The following CARS2 variants were observed in gnomAD, a reference collection of about 807,000 sequenced individuals.
The protein encoded by CARS2 is cysteinyl-tRNA synthetase 2, mitochondrial, also known as probable cysteine--tRNA ligase, mitochondrial.
Under a neutral mutation model 68.8 loss-of-function variants are expected in CARS2, and 52 were observed. The observed-to-expected ratio is 0.76, with a 90% CI of 0.61 to 0.95. CARS2 has a LOEUF of 0.95. Ranked by LOEUF, CARS2 falls within the 40% of genes least tolerant of loss-of-function variation. CARS2 has a pLI of 0.00. For missense variants in CARS2, 780 were observed against 754.2 expected, an observed-to-expected ratio of 1.03 and a Z score of -0.40; for synonymous variants, 314 against 303.6, an observed-to-expected ratio of 1.03 and a Z score of -0.36.
At position 110,705,698 on chromosome 13, in the gene CARS2, T is replaced by C. The variant is rs763636326; in HGVS notation, c.225-127A>G. On this transcript the variant is annotated intron_variant, in intron 1 of 14. Coordinates refer to ENST00000257347, the MANE Select transcript of CARS2 (RefSeq NM_024537.4). The surrounding 1 kb of genome is among the most constrained non-coding windows in gnomAD (Gnocchi z 4.0). ...GGGGGATGAATAGCCGGGGTTTTCA[T>C]ACTTGCTCAATTCACACCCAAACCT... is the stretch of plus-strand genomic sequence containing the variant. The C allele has an allele frequency of 1.3e-5, 19 of 1,509,592 alleles. No individual in the cohort carries two copies. Among genetic ancestry groups the C allele is most frequent in the Non-Finnish European group, 1.6e-5 (18 of 1,111,718 alleles). 93.5% of individuals were successfully genotyped at this position (1,509,592 alleles called of 1,614,324 possible).
chr13:110,713,122 G>C (rs1345567712), intron 1 of CARS2: 6 of 1,429,998 alleles, frequency 4.2e-6, no homozygotes, highest in Non-Finnish European at 5.5e-6. Context: ...TAAGAGTCCG[G>C]GGGGCATTAC....
chr13:110,664,017 A>G, intron 8 of CARS2: 1 of 985,366 alleles, frequency 1.0e-6, no homozygotes, highest in Non-Finnish European at 1.2e-6. Context: ...GGTTTCACAG[A>G]CTTTGATGAC....
chr13:110,654,516 C>T (rs1386895034), intron 9 of CARS2, among the ~76,000 whole-genome samples: 1 of 151,528 alleles, frequency 6.6e-6, no homozygotes, highest in Non-Finnish European at 1.5e-5. Context: ...GTGCGAGCTA[C>T]CAAAAATATA....
rs547067643 is a variant in CARS2, at chr13:110,670,625, G to A, written c.786-3152C>T. On this transcript the variant is annotated intron_variant, in intron 7 of 14. Transcript: ENST00000257347. The surrounding 1 kb of genome is among the most constrained non-coding windows in gnomAD (Gnocchi z 4.1). ...GGGGAGAAACCAGAGCAGAAAAGCT[G>A]AAAATTCTAAAAATCAGAGCGCCTC... Among the ~76,000 whole-genome samples, 2 of 152,258 alleles carry A rather than the reference G, an allele frequency of 1.3e-5. No individual in the cohort carries two copies. Among genetic ancestry groups the A allele is most frequent in the South Asian group, 2.1e-4 (1 of 4,818 alleles).
chr13:110,663,042 G>A, intron 9 of CARS2: 1 of 461,482 alleles, frequency 2.2e-6, no homozygotes, highest in South Asian at 1.5e-5. Context: ...GATCCAGCCA[G>A]CTCTGAGCCT....
intron 3 of CARS2, among the ~76,000 whole-genome samples, chr13:110,692,907 C>G (rs182677259): frequency 1.3e-5 from 2 of 151,724 alleles, no homozygotes; most frequent in African/African-American, 2.4e-5. Flanking sequence ...GTCAGGAGTT[C>G]GAGACCAGTC....
intron 3 of CARS2, among the ~76,000 whole-genome samples, chr13:110,697,317 G>A (rs1244291608): frequency 6.6e-6 from 1 of 152,250 alleles, no homozygotes; most frequent in South Asian, 2.1e-4. Flanking sequence ...GGGTAAGGAT[G>A]TGAAGAAATA....
At chr13:110,660,501 T>C (rs905660077) in intron 9 of CARS2, among the ~76,000 whole-genome samples, 1 of 152,208 alleles carries the variant, frequency 6.6e-6, no homozygotes, top group African/African-American at 2.4e-5. Flanking sequence ...GACTTAAAAG[T>C]TGAAATTATT....
intron 3 of CARS2, among the ~76,000 whole-genome samples, chr13:110,695,318 A>T (rs1017879943): frequency 1.3e-4 from 20 of 152,168 alleles, no homozygotes; most frequent in Admixed American, 2.6e-4. Context: ...ACAAATTTTT[A>T]AAAAATATAG....
chr13:110,708,586 T>TTTG (rs58230578), upstream of CARS2, among the ~76,000 whole-genome samples: 1 of 152,002 alleles, frequency 6.6e-6, no homozygotes, highest in Non-Finnish European at 1.5e-5. Flanking sequence ...TTTTTTTTTT[T>TTTG]GAGGCAGTCT....
At chr13:110,689,304 A>G (rs2063390436) in intron 3 of CARS2, among the ~76,000 whole-genome samples, 1 of 152,208 alleles carries the variant, frequency 6.6e-6, no homozygotes, top group African/African-American at 2.4e-5. Context: ...AGTCTCTCCG[A>G]GCTGCTCCAC....
intron 3 of CARS2, among the ~76,000 whole-genome samples, chr13:110,690,589 T>C (rs2063430127): frequency 6.6e-6 from 1 of 152,200 alleles, no homozygotes; most frequent in Non-Finnish European, 1.5e-5. Context: ...CGCTACGTGC[T>C]TACCCGGTCC....
chr13:110,662,630 C>A (rs1278096906), intron 9 of CARS2, among the ~76,000 whole-genome samples: 3 of 152,236 alleles, frequency 2.0e-5, no homozygotes, highest in African/African-American at 7.2e-5. Context: ...GCAAATACAG[C>A]AAAATCATCA....
chr13:110,695,674 T>C (rs1292747288), intron 3 of CARS2, among the ~76,000 whole-genome samples: 2 of 152,016 alleles, frequency 1.3e-5, no homozygotes, highest in African/African-American at 4.8e-5. Flanking sequence ...CATTTAAAAA[T>C]GTTTAAAATC....
intron 14 of CARS2, among the ~76,000 whole-genome samples, chr13:110,642,070 G>A (rs1427579430): frequency 6.6e-6 from 1 of 152,052 alleles, no homozygotes; most frequent in Non-Finnish European, 1.5e-5. Flanking sequence ...GCATGGGAGT[G>A]CATGCCTGTA....
chr13:110,652,499 C>T (rs972385806), intron 9 of CARS2, among the ~76,000 whole-genome samples: 8 of 152,104 alleles, frequency 5.3e-5, no homozygotes, highest in African/African-American at 1.4e-4. Flanking sequence ...TCAGCGGCCT[C>T]GCCCACCCAG....
intron 9 of CARS2, 67 bp from the exon 10 acceptor site, chr13:110,651,167 GT>G: frequency 9.1e-7 from 1 of 1,094,454 alleles, no homozygotes. Flanking sequence ...CAGAGAATAT[GT>G]TACTTTCTAC....
intron 3 of CARS2, among the ~76,000 whole-genome samples, chr13:110,690,772 C>A (rs1409409634): frequency 6.6e-6 from 1 of 152,226 alleles, no homozygotes; most frequent in South Asian, 2.1e-4. Flanking sequence ...GCCAGCTACA[C>A]CCGACCAGCA....
intron 2 of CARS2, among the ~76,000 whole-genome samples, chr13:110,703,679 T>C (rs973683863): frequency 1.3e-5 from 2 of 152,236 alleles, no homozygotes; most frequent in Admixed American, 6.5e-5. Flanking sequence ...ATAAACCTCT[T>C]GGCAGTTTTA....
Sources: gnomAD v4.1 joint callset for allele counts (sites outside exome capture counted in the v4.1 genomes callset) on GRCh38, gnomAD v4.1.1 for gene constraint, Gnocchi (gnomAD v3.1) non-coding constraint, MANE v1.5 for transcripts, NCBI Gene and HGNC (gene_info 2026-07-23, HGNC 2026-07-21) for gene names.